Variants in HERC2 observed in about 807,000 individuals in gnomAD.
The protein encoded by HERC2 is HECT and RLD domain containing E3 ubiquitin protein ligase 2.
HERC2 carries 102 observed loss-of-function variants against 537.7 expected under a neutral mutation model. That is an observed-to-expected ratio of 0.19 (90% CI 0.16 to 0.22). The LOEUF is 0.22. Ranked by LOEUF, HERC2 falls within the 10% of genes least tolerant of loss-of-function variation. The pLI, the probability that HERC2 is intolerant of heterozygous loss-of-function variation, is 1.00. For missense variants in HERC2, 4,236 were observed against 6,198.2 expected (o/e 0.68, Z 10.63); for synonymous variants, 2,224 against 2,466.2 (o/e 0.90, Z 2.91).
intron 81 of HERC2, among the ~76,000 whole-genome samples, chr15:28,131,246 T>C (rs1197132294): frequency 6.6e-6 from 1 of 152,128 alleles, no homozygotes; most frequent in African/African-American, 2.4e-5. Flanking sequence ...CTCCAGCCCC[T>C]CTGATGCCCA....
In HERC2 at chr15:28,177,401, T is replaced by TA. The variant is rs771589921; in HGVS notation, c.9254+17dup. 2.5e-6 allele frequency: 4 copies of TA among 1,608,086 alleles called. No individual in the cohort carries two copies. The highest frequency in any genetic ancestry group is 2.2e-5 in the South Asian group (2 of 90,916). On this transcript the variant is annotated intron_variant, in intron 60 of 92. Coordinates refer to ENST00000261609, the MANE Select transcript of HERC2 (RefSeq NM_004667.6). This position sits in a 1 kb window ranked among gnomAD's most constrained non-coding sequence, Gnocchi z 5.0. ...ACAGTTTCTTATTAGCAAATGAGAC[T>TA]AAAAAAAGTACCCTTACATTCTGCT...
In HERC2 at chr15:28,248,616, A is replaced by G; in HGVS notation, c.3171T>C (p.Phe1057=). ...RSASLDLLLR[F]QRLLISKLYP... ...AAAGTTTACTAATAAGCAAACGTTG[A>G]AAACGCAGTAACAAATCCAATGAAG... Residue 1057 remains phenylalanine (F), a synonymous_variant, in exon 21 of 93, where the codon TTT becomes TTC. Coordinates refer to ENST00000261609, the MANE Select transcript of HERC2 (RefSeq NM_004667.6). The G allele has an allele frequency of 6.2e-7, 1 of 1,614,060 alleles. No individual in the cohort carries two copies. Among genetic ancestry groups the G allele is most frequent in the South Asian group, 1.1e-5 (1 of 91,082 alleles).
intron 78 of HERC2, among the ~76,000 whole-genome samples, chr15:28,137,539 T>C (rs1323027893): frequency 6.6e-6 from 1 of 152,262 alleles, no homozygotes; most frequent in Non-Finnish European, 1.5e-5. Flanking sequence ...TCTGTTATGA[T>C]GATCTGTGAT....
At chr15:28,247,970 G>A (rs911712290) in intron 21 of HERC2, among the ~76,000 whole-genome samples, 1 of 152,194 alleles carries the variant, frequency 6.6e-6, no homozygotes, top group Non-Finnish European at 1.5e-5. Flanking sequence ...CCGCTGCCCT[G>A]GATGCTGAAG....
chr15:28,314,039 TTCGCA>T, intron 2 of HERC2, among the ~76,000 whole-genome samples: 1 of 152,182 alleles, frequency 6.6e-6, no homozygotes, highest in South Asian at 2.1e-4. Flanking sequence ...CCAGCCCAGT[TTCGCA>T]TTCTCTCAAT....
rs1889213028 is a variant in HERC2, at chr15:28,124,089, C to G, written c.13136G>C (p.Gly4379Ala). 6.2e-7 allele frequency: 1 copy of G among 1,607,992 alleles called. No individual in the cohort carries two copies. The highest frequency in any genetic ancestry group is 1.3e-5 in the African/African-American group (1 of 74,614). Residue 4379 changes from glycine (G) to alanine (A), a missense_variant, in exon 85 of 93, where the codon GGG (glycine) becomes GCG (alanine). Coordinates refer to ENST00000261609, the MANE Select transcript of HERC2 (RefSeq NM_004667.6). ...LEGSLDETGL[G>A]PSVGFDTLRG... is the part of the protein sequence containing the mutation. ...GAGAGTGTCGAACCCAACAGAAGGCCCGAGTCCAGTTTCGTCGAGCGAGCC... is the reference window on the plus strand; with the variant it reads ...GAGAGTGTCGAACCCAACAGAAGGCGCGAGTCCAGTTTCGTCGAGCGAGCC...
At chr15:28,215,116 A>G (rs1414242950) in intron 39 of HERC2, among the ~76,000 whole-genome samples, 2 of 152,052 alleles carry the variant, frequency 1.3e-5, no homozygotes, top group African/African-American at 4.8e-5. Flanking sequence ...TGACCTCATT[A>G]TCCACCTGCC....
intron 42 of HERC2, 116 bp downstream of exon 42, chr15:28,213,626 G>A: frequency 1.3e-6 from 2 of 1,549,830 alleles, no homozygotes; most frequent in Non-Finnish European, 1.7e-6. Flanking sequence ...ACAGCTTCCT[G>A]GAAGGCAAAC....
intron 17 of HERC2, 125 bp from the exon 18 acceptor site, chr15:28,256,442 A>G (rs980852051): frequency 6.4e-6 from 5 of 782,930 alleles, no homozygotes; most frequent in Non-Finnish European, 9.9e-6. Flanking sequence ...CAGTTTATGT[A>G]TTTTTAAAAA....
chr15:28,116,890 C>T lies in HERC2; in HGVS notation c.13415-31G>A, dbSNP rs547338142. On this transcript the variant is annotated intron_variant, in intron 87 of 92. Transcript: ENST00000261609. ...GGGGAGAAGCAGCCACTCGAAGTCC[C>T]CTCACACAGTCCTGTGTAAAGAGAG... The T allele has an allele frequency of 1.9e-6, 3 of 1,608,208 alleles. No individual in the cohort carries two copies. In the Admixed American group the frequency reaches 5.0e-5, roughly 27 times the overall value.
chr15:28,247,045 G>A (rs141801098), intron 21 of HERC2, 148 bp from the exon 22 acceptor site: 11 of 679,876 alleles, frequency 1.6e-5, no homozygotes, highest in Non-Finnish European at 2.5e-5. Flanking sequence ...TTGTCCTTGC[G>A]CTCTTTCTGT....
At chr15:28,171,841 G>A (rs535121057) in intron 65 of HERC2, among the ~76,000 whole-genome samples, 2 of 152,118 alleles carry the variant, frequency 1.3e-5, no homozygotes, top group Admixed American at 6.5e-5. Context: ...TTGGGAGGCC[G>A]AGGTGGGCGG....
intron 78 of HERC2, among the ~76,000 whole-genome samples, chr15:28,138,125 A>G (rs1166305094): frequency 1.3e-5 from 2 of 152,188 alleles, no homozygotes; most frequent in African/African-American, 4.8e-5. Flanking sequence ...AAGGTAACAG[A>G]GATTGGTTCC....
chr15:28,202,024 C>T, intron 47 of HERC2, 89 bp downstream of exon 47: 3 of 1,121,656 alleles, frequency 2.7e-6, no homozygotes, highest in Non-Finnish European at 3.9e-6. Flanking sequence ...TTAATTCTTT[C>T]AAGGGACAGA....
intron 35 of HERC2, among the ~76,000 whole-genome samples, chr15:28,225,493 C>G (rs189643232): frequency 6.6e-6 from 1 of 151,902 alleles, no homozygotes; most frequent in East Asian, 1.9e-4. Context: ...GTCAAGAGAT[C>G]GAGACCATCC....
At chr15:28,225,842 C>T (rs760652180) in intron 35 of HERC2, among the ~76,000 whole-genome samples, 15 of 151,750 alleles carry the variant, frequency 9.9e-5, no homozygotes, top group Non-Finnish European at 1.9e-4. Flanking sequence ...AATAAAATAG[C>T]CTAGATAAAA....
intron 27 of HERC2, 101 bp from the exon 28 acceptor site, chr15:28,233,897 T>C: frequency 1.1e-6 from 1 of 923,800 alleles, no homozygotes; most frequent in Non-Finnish European, 1.7e-6. Context: ...TCACTAATGC[T>C]TCTGAAGCCT....
intron 4 of HERC2, among the ~76,000 whole-genome samples, chr15:28,283,739 T>C (rs1362474144): frequency 1.3e-5 from 2 of 152,126 alleles, no homozygotes; most frequent in African/African-American, 2.4e-5. Context: ...TGTAAGTAAA[T>C]GAAATATTTA....
rs955800966 is a variant in HERC2 at position 28,122,421 on chromosome 15, G to C, written c.13189-992C>G. 6.6e-6 allele frequency among the ~76,000 whole-genome samples: 1 copy of C among 152,194 alleles called. No homozygotes were observed. Among genetic ancestry groups the C allele is most frequent in the African/African-American group, 2.4e-5 (1 of 41,460 alleles). ...TCAGTGGAGGCTGAGCCCTTGCCCA[G>C]CTCAAAGCCTAAGAACTCCAAGCCC... On this transcript the variant is annotated intron_variant, in intron 85 of 92. Coordinates refer to ENST00000261609, the MANE Select transcript of HERC2 (RefSeq NM_004667.6). This position sits in a 1 kb window ranked among gnomAD's most constrained non-coding sequence, Gnocchi z 4.1.
Sources: gnomAD v4.1 joint callset for allele counts (sites outside exome capture counted in the v4.1 genomes callset) on GRCh38, gnomAD v4.1.1 for gene constraint, Gnocchi (gnomAD v3.1) non-coding constraint, MANE v1.5 for transcripts, NCBI Gene and HGNC (gene_info 2026-07-23, HGNC 2026-07-21) for gene names.